The following PCDHA2 variants were observed in gnomAD, a reference collection of about 807,000 sequenced individuals.
PCDHA2 encodes the protein protocadherin alpha 2, also known as protocadherin alpha-2.
Under a neutral mutation model 66.0 loss-of-function variants are expected in PCDHA2, and 58 were observed. The observed-to-expected ratio is 0.88, with a 90% CI of 0.71 to 1.09. PCDHA2 has a LOEUF of 1.09. Among genes scored for constraint, PCDHA2 ranks in the 50% least tolerant of loss-of-function variants. The pLI, the probability that PCDHA2 is intolerant of heterozygous loss-of-function variation, is 0.00. For synonymous variants in PCDHA2, 634 were observed against 554.0 expected, an observed-to-expected ratio of 1.14 and a Z score of -2.03; for missense variants, 1,267 against 1,242.3, an observed-to-expected ratio of 1.02 and a Z score of -0.30.
chr5:140,916,579 T>C (rs1013124807), intron 1 of PCDHA2, among the ~76,000 whole-genome samples: 14 of 152,176 alleles, frequency 9.2e-5, no homozygotes, highest in Non-Finnish European at 1.6e-4. Context: ...AGAAATGTCA[T>C]CCATGAGCTA....
chr5:140,991,191 A>G (rs1316296536), intron 3 of PCDHA2, among the ~76,000 whole-genome samples: 2 of 152,218 alleles, frequency 1.3e-5, no homozygotes, highest in South Asian at 2.1e-4. Flanking sequence ...CTAGCACACA[A>G]TGATGCTCAA....
At chr5:141,007,777 T>G (rs1467527710) in intron 3 of PCDHA2, among the ~76,000 whole-genome samples, 2 of 152,226 alleles carry the variant, frequency 1.3e-5, no homozygotes, top group Non-Finnish European at 2.9e-5. Flanking sequence ...GAAATGGTAC[T>G]GCTTTACAAA....
intron 3 of PCDHA2, among the ~76,000 whole-genome samples, chr5:141,000,955 T>G (rs1237087024): frequency 6.6e-6 from 1 of 152,210 alleles, no homozygotes; most frequent in Non-Finnish European, 1.5e-5. Flanking sequence ...CTTGCTGTAA[T>G]TTAAGCCTTC....
At chr5:140,862,914 T>G (rs1324923018) in intron 1 of PCDHA2, 1 of 548,316 alleles carries the variant, frequency 1.8e-6, no homozygotes, top group African/African-American at 2.0e-5. Flanking sequence ...TGCTGGCGCC[T>G]TGGGTGGGCT....
intron 1 of PCDHA2, chr5:140,829,092 G>T (rs2150162526): frequency 6.2e-7 from 1 of 1,611,480 alleles, no homozygotes; most frequent in South Asian, 1.1e-5. Flanking sequence ...GCGGGTCATT[G>T]CACCGTTTTA....
intron 1 of PCDHA2, chr5:140,841,898 G>A: frequency 1.9e-6 from 3 of 1,613,824 alleles, no homozygotes; most frequent in African/African-American, 1.3e-5. Context: ...TAAACTGGTT[G>A]AGCTCGTATT....
Position 140,848,199 on chromosome 5 carries a change from AATC to A in PCDHA2, c.2388+50850_2388+50852del, listed in dbSNP as rs2150407324. The stretch of plus-strand genomic sequence containing the variant: ...GAGAAACGGGATCTTCTGTTTCAAC[AATC>A]ATTACTTAAGAAAAAATTAAGAAAA... On this transcript the variant is annotated intron_variant, in intron 1 of 3. Coordinates refer to ENST00000526136, the MANE Select transcript of PCDHA2 (RefSeq NM_018905.3). The A allele has an allele frequency of 2.2e-5, 7 of 318,910 alleles. No individual in the cohort carries two copies. The South Asian group carries it at 2.2e-4, about 10-fold the overall frequency. The allele number at this position is 318,910 out of a possible 1,614,324, so 19.8% of individuals were successfully genotyped here.
rs2150476768 is a variant in PCDHA2, at chr5:140,850,270, G to C, written c.2388+52918G>C. On this transcript the variant is annotated intron_variant, in intron 1 of 3. Transcript: ENST00000526136. ...TCGGTGGGCGCCGGCGTAGTGGTGG[G>C]GAAGGTGCGCGCAGTGGACGCCGAC... 8 of 1,594,948 alleles carry C rather than the reference G, an allele frequency of 5.0e-6. 1 individual carries two copies. In the Admixed American group the frequency reaches 5.1e-5, roughly 10 times the overall value.
intron 1 of PCDHA2, chr5:140,814,799 C>T (rs2126658995): frequency 5.9e-5 from 9 of 152,134 alleles, no homozygotes; most frequent in Admixed American, 2.0e-4. Context: ...TTATACAACA[C>T]TTGACTTTAT....
chr5:140,812,426 A>G (rs1765106358), intron 1 of PCDHA2: 1 of 151,998 alleles, frequency 6.6e-6, no homozygotes, highest in African/African-American at 2.4e-5. Context: ...TTTTTTCAAA[A>G]AATCAACTAA....
At chr5:141,001,997 C>G (rs2098052259) in intron 3 of PCDHA2, among the ~76,000 whole-genome samples, 1 of 152,190 alleles carries the variant, frequency 6.6e-6, no homozygotes, top group Admixed American at 6.5e-5. Context: ...AGTTCACTTG[C>G]AAACACAGAA....
chr5:140,876,899 C>T (rs781884794), intron 1 of PCDHA2: 2 of 1,614,092 alleles, frequency 1.2e-6, no homozygotes, highest in South Asian at 2.2e-5. Context: ...CACATCTTCA[C>T]GGTGTCGGCA....
At chr5:140,899,512 G>T (rs4386771) in intron 1 of PCDHA2, among the ~76,000 whole-genome samples, 1 of 152,040 alleles carries the variant, frequency 6.6e-6, no homozygotes, top group African/African-American at 2.4e-5. Flanking sequence ...TGCATATATT[G>T]CATCCCAGGG....
intron 1 of PCDHA2, chr5:140,927,991 G>T: frequency 6.2e-7 from 1 of 1,614,202 alleles, no homozygotes; most frequent in Non-Finnish European, 8.5e-7. Flanking sequence ...TGTAAAGGAT[G>T]AAGACCTCGA....
chr5:140,823,126 G>A, intron 1 of PCDHA2: 2 of 1,614,022 alleles, frequency 1.2e-6, no homozygotes, highest in Non-Finnish European at 1.7e-6. Context: ...GAACGACAAC[G>A]CTCCGGCGTT....
chr5:140,904,877 AC>A (rs2071441380), intron 1 of PCDHA2, among the ~76,000 whole-genome samples: 1 of 151,792 alleles, frequency 6.6e-6, no homozygotes, highest in African/African-American at 2.4e-5. Context: ...TCCTTAGCTC[AC>A]TTTTTGATGG....
intron 1 of PCDHA2, among the ~76,000 whole-genome samples, chr5:140,946,631 T>TATATATATATATATATATACACAC (rs57893927): frequency 7.6e-6 from 1 of 131,846 alleles, no homozygotes; most frequent in South Asian, 2.2e-4. Context: ...TATATATATA[T>TATATATATATATATATATACACAC]ACAATGGAAT....
chr5:140,834,771 C>G (rs2150226115), intron 1 of PCDHA2: 1 of 1,613,992 alleles, frequency 6.2e-7, no homozygotes, highest in East Asian at 2.2e-5. Context: ...TAACGACAAC[C>G]CTCCGGTGTT....
chr5:140,926,997 C>T (rs782110120), intron 1 of PCDHA2: 3 of 1,612,104 alleles, frequency 1.9e-6, no homozygotes, highest in Admixed American at 3.3e-5. Context: ...GGGGCGTAGC[C>T]GTAGGCAATC....
Sources: allele counts gnomAD v4.1 joint callset (sites outside exome capture counted in the v4.1 genomes callset), GRCh38; gene constraint gnomAD v4.1.1; transcripts MANE v1.5; gene names NCBI Gene and HGNC (gene_info 2026-07-23, HGNC 2026-07-21).